The following CWF19L1 variants were observed in gnomAD, a reference collection of about 807,000 sequenced individuals.
CWF19L1 encodes CWF19 like cell cycle control factor 1.
CWF19L1 carries 60 observed loss-of-function variants against 69.7 expected under a neutral mutation model. The observed-to-expected ratio is 0.86, with a 90% CI of 0.70 to 1.07. The LOEUF (loss-of-function observed/expected upper bound fraction) is 1.07. CWF19L1 is among the 50% of genes least tolerant of loss of function. CWF19L1 has a pLI of 0.00. For synonymous variants in CWF19L1, 209 were observed against 222.2 expected (o/e 0.94, Z 0.53); for missense variants, 591 against 638.9 (o/e 0.92, Z 0.81).
chr10:100,246,879 T>C lies in CWF19L1; in HGVS notation c.765A>G (p.Val255=), dbSNP rs778981886. The C allele has an allele frequency of 6.2e-7, 1 of 1,614,050 alleles. No individual in the cohort carries two copies. The highest frequency in any genetic ancestry group is 8.5e-7 in the Non-Finnish European group (1 of 1,179,882). The change falls in exon 8 of 14, where the codon GTA becomes GTG. Residue 255 remains valine (V), a synonymous_variant. Coordinates refer to ENST00000354105, the MANE Select transcript of CWF19L1 (RefSeq NM_018294.6). Reference sequence around the variant, plus strand: ...TTTCAGTGACATCCGGAGGCTGTTTTACCAGTTCTGCTGCATCCATTAGCT... The same window carrying C: ...TTTCAGTGACATCCGGAGGCTGTTTCACCAGTTCTGCTGCATCCATTAGCT... ...PMKLMDAAEL[V]KQPPDVTENP... is the part of the protein sequence containing the mutation.
intron 10 of CWF19L1, among the ~76,000 whole-genome samples, chr10:100,239,370 T>C (rs994681467): frequency 6.6e-6 from 1 of 152,010 alleles, no homozygotes; most frequent in Non-Finnish European, 1.5e-5. Context: ...ACCGGGTGCG[T>C]TGGCTCATGA....
At chr10:100,233,614 T>C (rs1846344383) in intron 13 of CWF19L1, among the ~76,000 whole-genome samples, 1 of 152,178 alleles carries the variant, frequency 6.6e-6, no homozygotes. Flanking sequence ...ATATTATTGG[T>C]ACTTAGAGAA....
chr10:100,256,103 T>C (rs1847203694), intron 5 of CWF19L1, among the ~76,000 whole-genome samples, 159 bp downstream of exon 5: 1 of 152,210 alleles, frequency 6.6e-6, no homozygotes, highest in South Asian at 2.1e-4. Flanking sequence ...CTTTGATCAG[T>C]TGACAGAACT....
chr10:100,233,265 T>C lies in CWF19L1; in HGVS notation c.1579A>G (p.Lys527Glu). 1 of 1,613,858 alleles carries C rather than the reference T, an allele frequency of 6.2e-7. No individual in the cohort carries two copies. Among genetic ancestry groups the C allele is most frequent in the Non-Finnish European group, 8.5e-7 (1 of 1,179,886 alleles). Residue 527 changes from lysine to glutamate, a missense_variant, in exon 14 of 14, where the codon AAA becomes GAA. Lys to Glu is a moderately conservative substitution (Grantham distance 56). Around this residue, in one of 3 missense-constraint regions of CWF19L1, gnomAD observed 458 missense variants for 489.3 expected, o/e 0.94. Transcript: ENST00000354105. ...DEETLARRFR[K>E]DFEPYDFTLD... The stretch of plus-strand genomic sequence containing the variant: ...GTAAAGTCATAGGGCTCAAAGTCTT[T>C]CCGGAAGCGGCGAGCCAGGGTCTCC...
Position 100,233,109 on chromosome 10 carries a change from C to T in CWF19L1, c.*118G>A. 9.3e-7 allele frequency: 1 copy of T among 1,073,722 alleles called. No individual in the cohort carries two copies. 66.5% of individuals were successfully genotyped at this position (1,073,722 alleles called of 1,614,324 possible). On this transcript the variant is annotated 3_prime_UTR_variant, in exon 14 of 14. Coordinates refer to ENST00000354105, the MANE Select transcript of CWF19L1 (RefSeq NM_018294.6). The stretch of plus-strand genomic sequence containing the variant: ...GCTACAGTGAGCCACAGTTATGCCA[C>T]TGCAATCCTGCTTGGGTGACAGAGC...
chr10:100,262,569 G>T, intron 1 of CWF19L1: 1 of 627,662 alleles, frequency 1.6e-6, no homozygotes, highest in Non-Finnish European at 2.0e-6. Flanking sequence ...AAACATGTTA[G>T]CAGTACAAGG....
Position 100,267,635 on chromosome 10 carries a change from G to C in CWF19L1, c.-42C>G, listed in dbSNP as rs887485739. ...GGTTGCGACTGCCACCTAAAATTGG[G>C]AATGCGAATCCGCGCTCCCCGGAAA... On this transcript the variant is annotated 5_prime_UTR_variant, in exon 1 of 14. Coordinates refer to ENST00000354105, the MANE Select transcript of CWF19L1 (RefSeq NM_018294.6). 6.8e-6 allele frequency: 11 copies of C among 1,613,646 alleles called. No individual in the cohort carries two copies. In the South Asian group the frequency reaches 1.1e-4, roughly 16 times the overall value.
chr10:100,248,345 T>C, intron 7 of CWF19L1: 3 of 999,728 alleles, frequency 3.0e-6, no homozygotes, highest in Non-Finnish European at 3.1e-6. Context: ...CTGCCCTATA[T>C]AATGTGGATG....
chr10:100,243,646 T>TA, intron 10 of CWF19L1, 52 bp downstream of exon 10: 1 of 1,470,292 alleles, frequency 6.8e-7, no homozygotes, highest in Non-Finnish European at 9.5e-7. Context: ...ATAAAGTTAA[T>TA]AAAAAACAAA....
intron 9 of CWF19L1, among the ~76,000 whole-genome samples, chr10:100,245,505 A>G (rs751794728): frequency 1.3e-5 from 2 of 152,214 alleles, no homozygotes; most frequent in Admixed American, 6.5e-5. Context: ...ATACCTATTT[A>G]TGAGACAGGA....
intron 7 of CWF19L1, among the ~76,000 whole-genome samples, chr10:100,249,549 T>G (rs1846951986): frequency 6.6e-6 from 1 of 152,160 alleles, no homozygotes; most frequent in Non-Finnish European, 1.5e-5. Context: ...CAGGAAATCT[T>G]AGCCCTAAGG....
At position 100,260,250 on chromosome 10, in the gene CWF19L1, C is replaced by T. The variant is rs138748193; in HGVS notation, c.257G>A (p.Gly86Glu). Residue 86 changes from glycine to glutamate, a missense_variant, in exon 4 of 14, where the codon GGA (glycine) becomes GAA (glutamate). Physicochemically the swap from Gly to Glu is moderately conservative, Grantham distance 98 (BLOSUM62 -2). Transcript: ENST00000354105. The stretch of plus-strand genomic sequence containing the variant: ...AGTAATGTTTTCAGCTAATTCACAT[C>T]CATCAGCATCCTGGAAATATTTTAC... ...ETVKYFQDAD[G>E]CELAENITYL... 624 of 1,610,848 alleles carry T rather than the reference C, an allele frequency of 3.9e-4. No individual in the cohort carries two copies. The African/African-American group carries it at 7.5e-3, about 19-fold the overall frequency.
At chr10:100,243,542 T>C (rs1300955150) in intron 10 of CWF19L1, among the ~76,000 whole-genome samples, 156 bp downstream of exon 10, 1 of 152,222 alleles carries the variant, frequency 6.6e-6, no homozygotes, top group African/African-American at 2.4e-5. Context: ...TCTAAAACTA[T>C]ACCACGTGAT....
chr10:100,261,004 T>C lies in CWF19L1; in HGVS notation c.149A>G (p.Asp50Gly). The C allele has an allele frequency of 1.2e-6, 2 of 1,612,942 alleles. No homozygotes were observed. Among genetic ancestry groups the C allele is most frequent in the South Asian group, 2.2e-5 (2 of 90,918 alleles). Residue 50 changes from aspartate to glycine, a missense_variant, in exon 3 of 14, where the codon GAT (aspartate) becomes GGT (glycine). Physicochemically the swap from Asp to Gly is moderately conservative, Grantham distance 94. Around this residue, in one of 3 missense-constraint regions of CWF19L1, gnomAD observed 129 missense variants for 131.3 expected, o/e 0.98. Coordinates refer to ENST00000354105, the MANE Select transcript of CWF19L1 (RefSeq NM_018294.6). ...CVGNFFGSTQ[D>G]AEWEEYKTGI... ...AGTCTTATACTCCTCCCATTCAGCATCTTGGGTGGAGCCAAAGAAATTTCC... is the reference window on the plus strand; with the variant it reads ...AGTCTTATACTCCTCCCATTCAGCACCTTGGGTGGAGCCAAAGAAATTTCC...
chr10:100,237,168 C>T, intron 11 of CWF19L1, 199 bp from the exon 12 acceptor site: 1 of 749,412 alleles, frequency 1.3e-6, no homozygotes, highest in Non-Finnish European at 2.4e-6. Context: ...ATGTGGGAGC[C>T]ATTCTCTGAT....
At chr10:100,246,692 G>GA (rs1222514495) in intron 8 of CWF19L1, 103 bp downstream of exon 8, 52 of 1,172,218 alleles carry the variant, frequency 4.4e-5, no homozygotes, top group Middle Eastern at 2.1e-4. Flanking sequence ...TTCCCAAGGG[G>GA]AAAAAAAAGA....
chr10:100,243,162 C>T (rs563553295), intron 10 of CWF19L1, among the ~76,000 whole-genome samples: 3 of 152,272 alleles, frequency 2.0e-5, no homozygotes, highest in South Asian at 4.1e-4. Flanking sequence ...CACACAAAGA[C>T]TTGCATGCAG....
At position 100,245,793 on chromosome 10, in the gene CWF19L1, A is replaced by G. The variant is rs759604181; in HGVS notation, c.964+6T>C. On this transcript the variant is annotated splice_donor_region_variant and intron_variant, in intron 9 of 13. Coordinates refer to ENST00000354105, the MANE Select transcript of CWF19L1 (RefSeq NM_018294.6). ...TAGAAGAAACCTCTGGAATAAAGGT[A>G]CTTACGAGGTTTGCGAGGCTGCTTT... The G allele has an allele frequency of 1.0e-5, 16 of 1,605,604 alleles. No individual in the cohort carries two copies. The highest frequency in any genetic ancestry group is 1.4e-5 in the Non-Finnish European group (16 of 1,172,360).
At chr10:100,241,729 A>G (rs1011535843) in intron 10 of CWF19L1, among the ~76,000 whole-genome samples, 19 of 152,328 alleles carry the variant, frequency 1.2e-4, no homozygotes, top group Middle Eastern at 3.4e-3. Context: ...AGGGCAAGTG[A>G]GGGTGAGAGT....
Sources: allele counts gnomAD v4.1 joint callset (sites outside exome capture counted in the v4.1 genomes callset), GRCh38; gene constraint gnomAD v4.1.1; regional missense constraint gnomAD v4.1.1; transcripts MANE v1.5; gene names NCBI Gene and HGNC (gene_info 2026-07-23, HGNC 2026-07-21).